The following MAP3K7CL variants were observed in gnomAD, a reference collection of about 807,000 sequenced individuals.
The protein encoded by MAP3K7CL is MAP3K7 C-terminal like.
A neutral mutation model predicts 18.6 loss-of-function variants in MAP3K7CL; 16 were observed. That is an observed-to-expected ratio of 0.86 (90% confidence interval 0.58 to 1.31). The LOEUF is 1.31. MAP3K7CL is among the 50% of genes most tolerant of loss of function. The pLI is 0.00. For synonymous variants in MAP3K7CL, 65 were observed against 66.8 expected (o/e 0.97, Z 0.13); for missense variants, 163 against 174.4 (o/e 0.93, Z 0.37).
At chr21:29,128,806 G>A (rs2086726790), upstream of MAP3K7CL, among the ~76,000 whole-genome samples, 1 of 152,060 alleles carries the variant, frequency 6.6e-6, no homozygotes, top group South Asian at 2.1e-4. Context: ...AGGATCTTCT[G>A]GAAGATTAAA....
chr21:29,130,566 A>G (rs2086759830), upstream of MAP3K7CL: 1 of 982,226 alleles, frequency 1.0e-6, no homozygotes. Context: ...AAACATTTGG[A>G]CTCCCCACAA....
chr21:29,133,334 C>A lies in MAP3K7CL; in HGVS notation c.-11C>A. 1 of 1,550,450 alleles carries A rather than the reference C, an allele frequency of 6.4e-7. No individual in the cohort carries two copies. Among genetic ancestry groups the A allele is most frequent in the Middle Eastern group, 1.7e-4 (1 of 5,990 alleles). Reference sequence around the variant, plus strand: ...GAAGACCCAGGAGAAGGCGGAGGCTCAGGTGCCCACATGATCAGCACAGCC... The same window carrying A: ...GAAGACCCAGGAGAAGGCGGAGGCTAAGGTGCCCACATGATCAGCACAGCC... On this transcript the variant is annotated 5_prime_UTR_variant, in exon 2 of 5. Transcript: ENST00000399928.
At chr21:29,093,543 G>A (rs1216688029) in intron 4 of MAP3K7CL, among the ~76,000 whole-genome samples, 6 of 151,938 alleles carry the variant, frequency 3.9e-5, no homozygotes, top group Non-Finnish European at 5.9e-5. Context: ...GTGCAGTGGC[G>A]TGATCTCGGC....
At chr21:29,102,341 A>AATTAAGTATATGGT (rs2086244504) in intron 4 of MAP3K7CL, among the ~76,000 whole-genome samples, 1 of 152,178 alleles carries the variant, frequency 6.6e-6, no homozygotes, top group South Asian at 2.1e-4. Flanking sequence ...GACTTAACTG[A>AATTAAGTATATGGT]GGCTCAAGAA....
At chr21:29,160,175 A>G (rs764354996) in intron 4 of MAP3K7CL, 119 bp downstream of exon 4, 2 of 661,294 alleles carry the variant, frequency 3.0e-6, no homozygotes, top group Non-Finnish European at 5.2e-6. Context: ...GGTTACAGCA[A>G]TGATTCAAGT....
intron 2 of MAP3K7CL, among the ~76,000 whole-genome samples, chr21:29,144,592 A>C (rs2087085060): frequency 6.6e-6 from 1 of 152,144 alleles, no homozygotes; most frequent in African/African-American, 2.4e-5. Flanking sequence ...CCTTAGTCTT[A>C]CATGGCCACG....
At chr21:29,156,861 C>T (rs1237923793) in intron 3 of MAP3K7CL, among the ~76,000 whole-genome samples, 2 of 152,144 alleles carry the variant, frequency 1.3e-5, no homozygotes, top group South Asian at 4.1e-4. Flanking sequence ...GTCAACTGCC[C>T]TCTAAGAACA....
At chr21:29,167,160 A>G (rs545940223) in intron 4 of MAP3K7CL, among the ~76,000 whole-genome samples, 1 of 152,320 alleles carries the variant, frequency 6.6e-6, no homozygotes, top group South Asian at 2.1e-4. Context: ...ATGATGTTAC[A>G]CAGGTTCTCC....
At chr21:29,142,153 C>T (rs115337056) in intron 2 of MAP3K7CL, among the ~76,000 whole-genome samples, 2,300 of 152,200 alleles carry the variant, frequency 0.015, 50 homozygotes, top group African/African-American at 0.052. Flanking sequence ...CATCCTCAAC[C>T]TCCCATTCTC....
At chr21:29,096,705 G>A (rs992809555) in intron 4 of MAP3K7CL, among the ~76,000 whole-genome samples, 22 of 152,204 alleles carry the variant, frequency 1.4e-4, no homozygotes, top group African/African-American at 4.3e-4. Flanking sequence ...ACTCATAGAA[G>A]CTTATGTATA....
At chr21:29,147,688 A>G (rs1175612487) in intron 2 of MAP3K7CL, among the ~76,000 whole-genome samples, 1 of 151,148 alleles carries the variant, frequency 6.6e-6, no homozygotes, top group Non-Finnish European at 1.5e-5. Flanking sequence ...TTGTATATGT[A>G]TGTGTATGTG....
At chr21:29,157,258 A>G (rs756537768) in intron 3 of MAP3K7CL, among the ~76,000 whole-genome samples, 5 of 152,222 alleles carry the variant, frequency 3.3e-5, no homozygotes, top group Non-Finnish European at 7.3e-5. Context: ...GAAAGTCTGT[A>G]CCCATTAAAC....
At chr21:29,102,172 T>C (rs1044989332) in intron 4 of MAP3K7CL, among the ~76,000 whole-genome samples, 1 of 152,214 alleles carries the variant, frequency 6.6e-6, no homozygotes, top group Non-Finnish European at 1.5e-5. Context: ...GATTATCTCC[T>C]TCTTTAGGGA....
intron 1 of MAP3K7CL, among the ~76,000 whole-genome samples, chr21:29,087,589 C>CTTTTTTTT (rs56775764): frequency 1.1e-4 from 11 of 104,352 alleles, no homozygotes; most frequent in African/African-American, 1.6e-4. Flanking sequence ...TTTTCTTTTT[C>CTTTTTTTT]TTTTTTTTTT....
intron 3 of MAP3K7CL, among the ~76,000 whole-genome samples, chr21:29,153,253 G>A (rs1286315801): frequency 1.3e-5 from 2 of 152,188 alleles, no homozygotes; most frequent in African/African-American, 4.8e-5. Context: ...TCATTTGTGG[G>A]CCTTGGGCCT....
At chr21:29,078,088 G>T (rs1256918143) in intron 1 of MAP3K7CL, among the ~76,000 whole-genome samples, 1 of 151,960 alleles carries the variant, frequency 6.6e-6, no homozygotes, top group Non-Finnish European at 1.5e-5. Flanking sequence ...TATGTGTTTT[G>T]ATTTTTTTTG....
At chr21:29,154,441 A>G (rs1430439738) in intron 3 of MAP3K7CL, among the ~76,000 whole-genome samples, 1 of 151,634 alleles carries the variant, frequency 6.6e-6, no homozygotes, top group Non-Finnish European at 1.5e-5. Flanking sequence ...CCCTCCTTAA[A>G]GTCCTCCTAT....
At chr21:29,118,662 C>T (rs2086544089) in intron 4 of MAP3K7CL, among the ~76,000 whole-genome samples, 2 of 152,158 alleles carry the variant, frequency 1.3e-5, no homozygotes, top group South Asian at 2.1e-4. Flanking sequence ...GGCAATGAGG[C>T]CATAGTATCT....
chr21:29,105,340 A>G (rs554280810), intron 4 of MAP3K7CL, among the ~76,000 whole-genome samples: 1 of 152,250 alleles, frequency 6.6e-6, no homozygotes, highest in East Asian at 1.9e-4. Flanking sequence ...AACAGATCTG[A>G]TTCTGCCCTG....
Sources: gnomAD v4.1 joint callset for allele counts (sites outside exome capture counted in the v4.1 genomes callset) on GRCh38, gnomAD v4.1.1 for gene constraint, MANE v1.5 for transcripts, NCBI Gene and HGNC (gene_info 2026-07-23, HGNC 2026-07-21) for gene names.